The following CTNNA2 variants were observed in gnomAD, a reference collection of about 807,000 sequenced individuals.
CTNNA2 encodes the protein catenin alpha-2.
In CTNNA2, 42 loss-of-function variants were observed where a neutral mutation model predicts 101.0. The observed-to-expected ratio is 0.42, with a 90% CI of 0.32 to 0.54. CTNNA2 has a LOEUF of 0.54. Among genes scored for constraint, CTNNA2 ranks in the 20% least tolerant of loss-of-function variants. The probability of loss-of-function intolerance (pLI) is 0.14; values close to 1 mark genes in which losing one functional copy is unlikely to be tolerated. For synonymous variants in CTNNA2, 450 were observed against 456.4 expected, an observed-to-expected ratio of 0.99 and a Z score of 0.18; for missense variants, 871 against 1,223.1, an observed-to-expected ratio of 0.71 and a Z score of 4.29.
At chr2:79,641,269 G>A (rs1027988441) in intron 1 of CTNNA2, among the ~76,000 whole-genome samples, 2 of 152,138 alleles carry the variant, frequency 1.3e-5, no homozygotes, top group African/African-American at 4.8e-5. Context: ...AGGCAGTTTG[G>A]TGGCTAGTTT....
chr2:80,025,773 A>G (rs1176947263), intron 7 of CTNNA2, among the ~76,000 whole-genome samples: 1 of 152,208 alleles, frequency 6.6e-6, no homozygotes, highest in East Asian at 1.9e-4. Flanking sequence ...ATGGAGAGGT[A>G]TAGCTACCAG....
intron 4 of CTNNA2, among the ~76,000 whole-genome samples, chr2:79,446,451 G>A (rs1279946085): frequency 1.3e-5 from 2 of 151,986 alleles, no homozygotes; most frequent in Admixed American, 6.6e-5. Context: ...CCCTATTAGA[G>A]GACACCACCG....
At chr2:80,520,748 T>A (rs757903128) in intron 9 of CTNNA2, among the ~76,000 whole-genome samples, 3 of 152,036 alleles carry the variant, frequency 2.0e-5, no homozygotes, top group Non-Finnish European at 4.4e-5. Flanking sequence ...ACATACTAAT[T>A]TTGGGGGTAT....
chr2:80,614,942 C>T (rs970776246), intron 17 of CTNNA2, among the ~76,000 whole-genome samples: 9 of 151,068 alleles, frequency 6.0e-5, no homozygotes, highest in African/African-American at 2.2e-4. Flanking sequence ...AGTCAAGAAA[C>T]AGATTATTTA....
intron 4 of CTNNA2, among the ~76,000 whole-genome samples, chr2:79,436,789 G>A (rs2104514842): frequency 6.6e-6 from 1 of 152,100 alleles, no homozygotes; most frequent in East Asian, 2.0e-4. Flanking sequence ...CCGCCACCAG[G>A]CCTGGCTAAT....
chr2:79,562,845 A>T (rs1451379464), intron 1 of CTNNA2, among the ~76,000 whole-genome samples: 1 of 151,928 alleles, frequency 6.6e-6, no homozygotes, highest in Non-Finnish European at 1.5e-5. Context: ...AGATGTTAAA[A>T]AAAGCTGAGT....
At chr2:79,768,199 C>T (rs140363083) in intron 3 of CTNNA2, among the ~76,000 whole-genome samples, 33 of 151,814 alleles carry the variant, frequency 2.2e-4, no homozygotes, top group African/African-American at 6.5e-4. Context: ...TTCATTTCCT[C>T]AGGATTGCTG....
intron 4 of CTNNA2, among the ~76,000 whole-genome samples, chr2:79,858,689 C>T (rs1021602261): frequency 2.0e-5 from 3 of 152,050 alleles, no homozygotes; most frequent in African/African-American, 7.2e-5. Context: ...AAAGGGGCCC[C>T]ATCCACAATT....
intron 7 of CTNNA2, among the ~76,000 whole-genome samples, chr2:80,181,531 G>T (rs1328485275): frequency 6.6e-6 from 1 of 152,090 alleles, no homozygotes. Flanking sequence ...CATGTCAAGA[G>T]CTTGTGTCTG....
intron 7 of CTNNA2, among the ~76,000 whole-genome samples, chr2:80,065,244 A>G (rs1461256276): frequency 6.6e-6 from 1 of 152,012 alleles, no homozygotes; most frequent in Non-Finnish European, 1.5e-5. Context: ...GGGGGAGATT[A>G]AGTAAGGGGG....
At chr2:79,916,557 CT>C (rs1686227203) in intron 7 of CTNNA2, among the ~76,000 whole-genome samples, 1 of 37,218 alleles carries the variant, frequency 2.7e-5, no homozygotes, top group African/African-American at 1.0e-4. Flanking sequence ...CTCCCCTCCC[CT>C]CCCCTCCCCT....
intron 9 of CTNNA2, among the ~76,000 whole-genome samples, chr2:80,439,099 A>T (rs1201493155): frequency 6.6e-6 from 1 of 152,174 alleles, no homozygotes; most frequent in Non-Finnish European, 1.5e-5. Flanking sequence ...GACAATAATG[A>T]TATTGAATAT....
At chr2:79,619,151 A>G (rs1678835217) in intron 1 of CTNNA2, among the ~76,000 whole-genome samples, 2 of 152,358 alleles carry the variant, frequency 1.3e-5, no homozygotes, top group African/African-American at 4.8e-5. Flanking sequence ...GGTTGCAGTG[A>G]GCCGAGATTG....
intron 3 of CTNNA2, among the ~76,000 whole-genome samples, chr2:79,819,702 A>G (rs1558550333): frequency 6.6e-6 from 1 of 152,170 alleles, no homozygotes. Context: ...AGTTAGATAG[A>G]AGGAATAAGA....
chr2:80,078,965 G>A (rs1391450165), intron 7 of CTNNA2, among the ~76,000 whole-genome samples: 1 of 152,094 alleles, frequency 6.6e-6, no homozygotes, highest in African/African-American at 2.4e-5. Flanking sequence ...GCTGCCATGG[G>A]TGATTTCCTC....
At chr2:80,018,661 G>A (rs150460205) in intron 7 of CTNNA2, among the ~76,000 whole-genome samples, 1 of 151,820 alleles carries the variant, frequency 6.6e-6, no homozygotes, top group Non-Finnish European at 1.5e-5. Context: ...CGTGCCTGTA[G>A]TCCCAGCTAC....
chr2:80,402,046 C>A (rs1003746341), intron 8 of CTNNA2, among the ~76,000 whole-genome samples: 1 of 152,238 alleles, frequency 6.6e-6, no homozygotes, highest in African/African-American at 2.4e-5. Context: ...ATATTTCTGA[C>A]TGACCAGCTA....
chr2:80,587,436 A>G (rs1168072967), intron 14 of CTNNA2, among the ~76,000 whole-genome samples: 2 of 152,190 alleles, frequency 1.3e-5, no homozygotes, highest in Non-Finnish European at 2.9e-5. Flanking sequence ...ATACATGCTT[A>G]CTTTCATTTT....
chr2:80,614,151 C>A (rs1160595799), intron 17 of CTNNA2, among the ~76,000 whole-genome samples: 4 of 151,388 alleles, frequency 2.6e-5, no homozygotes, highest in Non-Finnish European at 5.9e-5. Flanking sequence ...AGCAGTAATA[C>A]TTTTTGAAAA....
Sources: allele counts gnomAD v4.1 joint callset (sites outside exome capture counted in the v4.1 genomes callset), GRCh38; gene constraint gnomAD v4.1.1; transcripts MANE v1.5; gene names NCBI Gene and HGNC (gene_info 2026-07-23, HGNC 2026-07-21).